The following PLCG2 variants were observed in gnomAD, a reference collection of about 807,000 sequenced individuals.
PLCG2 encodes phospholipase C gamma 2.
A neutral mutation model predicts 175.6 loss-of-function variants in PLCG2; 69 were observed. The ratio of observed to expected loss-of-function variants is 0.39; its 90% CI spans 0.32 to 0.48. The LOEUF is 0.48. PLCG2 is among the 20% of genes least tolerant of loss of function. PLCG2 has a pLI of 0.91. For synonymous variants in PLCG2, 827 were observed against 624.0 expected (o/e 1.33, Z -4.85); for missense variants, 1,798 against 1,650.9 (o/e 1.09, Z -1.54).
At chr16:81,863,965 G>A (rs1907105734) in intron 5 of PLCG2, among the ~76,000 whole-genome samples, 1 of 152,156 alleles carries the variant, frequency 6.6e-6, no homozygotes, top group South Asian at 2.1e-4. Flanking sequence ...AGTCACCTGG[G>A]GAAGCTTTGG....
At chr16:81,861,126 C>T (rs1262441766) in intron 5 of PLCG2, among the ~76,000 whole-genome samples, 1 of 152,158 alleles carries the variant, frequency 6.6e-6, no homozygotes, top group Non-Finnish European at 1.5e-5. Flanking sequence ...TTGCATTGAG[C>T]TCTTCAGTCC....
chr16:81,751,483 G>C (rs1262672304), intron 1 of PLCG2, among the ~76,000 whole-genome samples: 1 of 152,180 alleles, frequency 6.6e-6, no homozygotes, highest in East Asian at 1.9e-4. Context: ...ACGGGAAATG[G>C]GGAGATGGTG....
At chr16:81,847,676 G>GA (rs1485831048) in intron 2 of PLCG2, among the ~76,000 whole-genome samples, 5 of 152,180 alleles carry the variant, frequency 3.3e-5, no homozygotes, top group Non-Finnish European at 7.3e-5. Flanking sequence ...AAATATTTGA[G>GA]AAAATTGCAT....
intron 1 of PLCG2, among the ~76,000 whole-genome samples, chr16:81,743,680 G>C (rs1909644397): frequency 1.3e-5 from 2 of 152,190 alleles, no homozygotes; most frequent in African/African-American, 4.8e-5. Context: ...AAGGAAAGCT[G>C]CAGCTATGCA....
chr16:81,760,762 ATAAT>A (rs1567695626), intron 2 of PLCG2, among the ~76,000 whole-genome samples: 50 of 130,044 alleles, frequency 3.8e-4, no homozygotes, highest in African/African-American at 1.3e-3. Context: ...AAAAAAAATA[ATAAT>A]AATAATAATA....
Position 81,876,857 on chromosome 16 carries a change from G to A in PLCG2, c.649-4053G>A, listed in dbSNP as rs7189727. On this transcript the variant is annotated intron_variant, in intron 7 of 32. Transcript: ENST00000564138. ...TAACTGCTGCCTCCACGGTGCACCCGTAGCATCTAGAATATTCTGTGATTG... is the reference window on the plus strand; with the variant it reads ...TAACTGCTGCCTCCACGGTGCACCCATAGCATCTAGAATATTCTGTGATTG... Among the ~76,000 whole-genome samples, 736 of 152,302 alleles carry A rather than the reference G, an allele frequency of 4.8e-3. 5 individuals carry two copies. The highest frequency in any genetic ancestry group is 0.017 in the African/African-American group (707 of 41,546).
intron 31 of PLCG2, among the ~76,000 whole-genome samples, chr16:81,952,496 G>A: frequency 6.6e-6 from 1 of 152,212 alleles, no homozygotes; most frequent in East Asian, 1.9e-4. Flanking sequence ...AAAGGACCTG[G>A]AGCATCTTAA....
chr16:81,872,536 G>A (rs1017799140), intron 7 of PLCG2, among the ~76,000 whole-genome samples: 7 of 152,174 alleles, frequency 4.6e-5, no homozygotes, highest in African/African-American at 1.4e-4. Flanking sequence ...TGTTACCTTT[G>A]CAATAAAAAG....
At chr16:81,895,645 A>G (rs1414704135) in intron 12 of PLCG2, 162 bp from the exon 13 acceptor site, 3 of 678,424 alleles carry the variant, frequency 4.4e-6, no homozygotes, top group African/African-American at 1.8e-5. Flanking sequence ...CGCACAGGGA[A>G]CCCTGCGGAT....
chr16:81,931,240 C>A (rs1910490095), intron 24 of PLCG2: 1 of 322,442 alleles, frequency 3.1e-6, no homozygotes, highest in Non-Finnish European at 5.7e-6. Flanking sequence ...TCTGCAACGA[C>A]CCTATAAGGT....
intron 1 of PLCG2, among the ~76,000 whole-genome samples, chr16:81,779,681 G>A (rs567454217): frequency 2.6e-5 from 4 of 152,286 alleles, no homozygotes; most frequent in African/African-American, 7.2e-5. Context: ...CGGTGGGGCG[G>A]CCCCAGCTTT....
intron 19 of PLCG2, among the ~76,000 whole-genome samples, chr16:81,914,272 T>C (rs557921608): frequency 6.6e-6 from 1 of 152,160 alleles, no homozygotes; most frequent in Non-Finnish European, 1.5e-5. Context: ...CCTCACCTGA[T>C]GATGGTCAGG....
At chr16:81,740,532 G>A (rs1909567054) in intron 1 of PLCG2, 1 of 151,906 alleles carries the variant, frequency 6.6e-6, no homozygotes, top group African/African-American at 2.4e-5. Context: ...CCTGAAGTCG[G>A]GAGTTTGAGA....
intron 2 of PLCG2, among the ~76,000 whole-genome samples, chr16:81,826,304 C>G (rs967744198): frequency 6.6e-6 from 1 of 152,124 alleles, no homozygotes; most frequent in African/African-American, 2.4e-5. Context: ...ATCCTAGGCT[C>G]AGAGATGGGG....
At chr16:81,750,433 A>AAC (rs915969151) in intron 1 of PLCG2, among the ~76,000 whole-genome samples, 2 of 151,214 alleles carry the variant, frequency 1.3e-5, no homozygotes, top group African/African-American at 4.9e-5. Flanking sequence ...AAAAAAAAAA[A>AAC]AAAAAAAAAT....
At chr16:81,867,267 G>A (rs1907287925) in intron 5 of PLCG2, among the ~76,000 whole-genome samples, 1 of 152,224 alleles carries the variant, frequency 6.6e-6, no homozygotes, top group Non-Finnish European at 1.5e-5. Flanking sequence ...CCTGCAAGGT[G>A]GGGCGAGCTT....
intron 19 of PLCG2, among the ~76,000 whole-genome samples, chr16:81,916,320 AAAAG>A (rs1275271108): frequency 6.6e-6 from 1 of 152,100 alleles, no homozygotes; most frequent in Non-Finnish European, 1.5e-5. Flanking sequence ...GTTTTTTAAA[AAAAG>A]AAAAAAATAA....
At chr16:81,860,902 G>A (rs370019979) in intron 5 of PLCG2, among the ~76,000 whole-genome samples, 57 of 152,138 alleles carry the variant, frequency 3.7e-4, no homozygotes, top group East Asian at 7.7e-4. Flanking sequence ...GCTTGAACCC[G>A]GGAGGTGGAG....
At chr16:81,763,264 T>A (rs1910077077) in intron 2 of PLCG2, among the ~76,000 whole-genome samples, 1 of 152,170 alleles carries the variant, frequency 6.6e-6, no homozygotes, top group South Asian at 2.1e-4. Flanking sequence ...AGCAAAATAA[T>A]CTCCCTGTAT....
Sources: gnomAD v4.1 joint callset for allele counts (sites outside exome capture counted in the v4.1 genomes callset) on GRCh38, gnomAD v4.1.1 for gene constraint, MANE v1.5 for transcripts, NCBI Gene and HGNC (gene_info 2026-07-23, HGNC 2026-07-21) for gene names.